Variants in KCNB2 observed in about 807,000 individuals in gnomAD.
The protein encoded by KCNB2 is potassium voltage-gated channel subfamily B member 2.
A neutral mutation model predicts 61.5 loss-of-function variants in KCNB2; 15 were observed. The observed-to-expected ratio is 0.24, with a 90% CI of 0.16 to 0.38. The LOEUF (loss-of-function observed/expected upper bound fraction) is 0.38, where lower values mean the gene tolerates loss of function less well. Ranked by LOEUF, KCNB2 falls within the 10% of genes least tolerant of loss-of-function variation. The pLI, the probability that KCNB2 is intolerant of heterozygous loss-of-function variation, is 1.00. For missense variants in KCNB2, 828 were observed against 1,125.2 expected, an observed-to-expected ratio of 0.74 and a Z score of 3.78; for synonymous variants, 457 against 446.0, an observed-to-expected ratio of 1.02 and a Z score of -0.31.
chr8:72,875,294 C>G (rs1245639640), intron 2 of KCNB2: 1 of 152,268 alleles, frequency 6.6e-6, no homozygotes, highest in African/African-American at 2.4e-5. Context: ...TATCCTGAAC[C>G]CTCCCTTGCT....
At chr8:72,929,406 G>A (rs1439424295) in intron 2 of KCNB2, among the ~76,000 whole-genome samples, 3 of 152,142 alleles carry the variant, frequency 2.0e-5, no homozygotes, top group Non-Finnish European at 2.9e-5. Flanking sequence ...TCTAAGTGAA[G>A]AAATAACGTA....
chr8:72,773,974 AAT>A (rs1375805191), intron 2 of KCNB2, among the ~76,000 whole-genome samples: 5 of 152,204 alleles, frequency 3.3e-5, no homozygotes, highest in African/African-American at 1.2e-4. Flanking sequence ...TCAAGTTATT[AAT>A]TATACTACAT....
chr8:72,538,642 G>GA (rs1383614084), intron 1 of KCNB2, among the ~76,000 whole-genome samples: 1 of 151,992 alleles, frequency 6.6e-6, no homozygotes, highest in African/African-American at 2.4e-5. Flanking sequence ...AGATTACATT[G>GA]AAAAAAATTT....
At chr8:72,693,446 G>A (rs995782891) in intron 2 of KCNB2, among the ~76,000 whole-genome samples, 3 of 152,080 alleles carry the variant, frequency 2.0e-5, no homozygotes, top group East Asian at 1.9e-4. Flanking sequence ...TCAGGGGCTT[G>A]AGAGACTGTG....
chr8:72,821,192 C>A (rs1408252077), intron 2 of KCNB2, among the ~76,000 whole-genome samples: 2 of 152,176 alleles, frequency 1.3e-5, no homozygotes, highest in Non-Finnish European at 2.9e-5. Context: ...TCACTGAACC[C>A]TCTTGTTCAT....
intron 2 of KCNB2, among the ~76,000 whole-genome samples, chr8:72,707,764 A>C (rs937148496): frequency 6.6e-6 from 1 of 152,172 alleles, no homozygotes; most frequent in South Asian, 2.1e-4. Flanking sequence ...TTTCCTAATC[A>C]TCTAGATATG....
chr8:72,671,296 CTCT>C (rs1806560519), intron 2 of KCNB2, among the ~76,000 whole-genome samples: 1 of 152,120 alleles, frequency 6.6e-6, no homozygotes. Context: ...TGTACAAATA[CTCT>C]TCTTATTAAT....
intron 2 of KCNB2, among the ~76,000 whole-genome samples, chr8:72,595,857 C>T (rs551929053): frequency 1.3e-5 from 2 of 152,262 alleles, no homozygotes; most frequent in South Asian, 4.1e-4. Flanking sequence ...GTTTTAGTGG[C>T]ACATAATCAT....
intron 2 of KCNB2, among the ~76,000 whole-genome samples, chr8:72,851,849 C>A (rs917426481): frequency 0.017 from 312 of 18,058 alleles, 2 homozygotes; most frequent in Non-Finnish European, 0.025. Flanking sequence ...AAAAAAAAAA[C>A]ACGTACTGCT....
At chr8:72,737,113 C>T (rs575590849) in intron 2 of KCNB2, among the ~76,000 whole-genome samples, 161 of 151,408 alleles carry the variant, frequency 1.1e-3, no homozygotes, top group African/African-American at 3.4e-3. Context: ...TGAAAATTTA[C>T]AGTTAGTAAA....
At position 72,937,760 on chromosome 8, in the gene KCNB2, G is replaced by A; in HGVS notation, c.2405G>A (p.Arg802Lys). 3 of 1,614,084 alleles carry A rather than the reference G, an allele frequency of 1.9e-6. No homozygotes were observed. Among genetic ancestry groups the A allele is most frequent in the East Asian group, 2.2e-5 (1 of 44,830 alleles). The change falls in exon 3 of 3, where the codon AGG (arginine) becomes AAG (lysine). Residue 802 changes from arginine (R) to lysine (K), a missense_variant. Arg to Lys is a conservative substitution (Grantham distance 26, BLOSUM62 2). Around this residue, in one of 4 missense-constraint regions of KCNB2, gnomAD observed 559 missense variants for 588.4 expected, o/e 0.95. Coordinates refer to ENST00000523207, the MANE Select transcript of KCNB2 (RefSeq NM_004770.3). The part of the protein sequence containing the change: ...KLFPFSSRER[R>K]SFTEIDTGDD... ...TTCCCTTTCTCTTCAAGAGAGAGGA[G>A]GAGCTTCACTGAAATAGATACTGGT...
At chr8:72,668,469 A>G (rs1216505484) in intron 2 of KCNB2, among the ~76,000 whole-genome samples, 1 of 152,144 alleles carries the variant, frequency 6.6e-6, no homozygotes, top group African/African-American at 2.4e-5. Context: ...CAAAGGTCAG[A>G]CTGTCCTTTG....
intron 2 of KCNB2, among the ~76,000 whole-genome samples, chr8:72,705,544 G>T (rs902069816): frequency 6.6e-6 from 1 of 152,218 alleles, no homozygotes; most frequent in African/African-American, 2.4e-5. Context: ...AATCTCACTG[G>T]CAGGTTGTGC....
intron 2 of KCNB2, among the ~76,000 whole-genome samples, chr8:72,769,112 A>G (rs1808518054): frequency 6.6e-6 from 1 of 152,206 alleles, no homozygotes; most frequent in South Asian, 2.1e-4. Context: ...GTGAGCCGAG[A>G]TCGTGCCATT....
intron 2 of KCNB2, among the ~76,000 whole-genome samples, chr8:72,593,588 G>A (rs549003744): frequency 7.2e-5 from 11 of 152,152 alleles, no homozygotes; most frequent in Non-Finnish European, 1.6e-4. Context: ...TAGAACTGAT[G>A]TGAGATCCAG....
chr8:72,548,464 A>C (rs1806295250), intron 1 of KCNB2, among the ~76,000 whole-genome samples: 1 of 152,070 alleles, frequency 6.6e-6, no homozygotes, highest in South Asian at 2.1e-4. Context: ...TCTTGGAAGA[A>C]ATTCTTTGTT....
At chr8:72,637,376 A>C (rs930474637) in intron 2 of KCNB2, among the ~76,000 whole-genome samples, 3 of 152,168 alleles carry the variant, frequency 2.0e-5, no homozygotes, top group African/African-American at 7.2e-5. Flanking sequence ...TGCTTTTATA[A>C]ACAGTGTTTT....
At chr8:72,684,122 A>T (rs568902769) in intron 2 of KCNB2, among the ~76,000 whole-genome samples, 11 of 152,286 alleles carry the variant, frequency 7.2e-5, no homozygotes, top group East Asian at 5.8e-4. Context: ...TTAGAAAGGG[A>T]TGGGTTCTAG....
intron 2 of KCNB2, among the ~76,000 whole-genome samples, chr8:72,763,752 G>A (rs1286939910): frequency 6.6e-6 from 1 of 152,122 alleles, no homozygotes; most frequent in African/African-American, 2.4e-5. Flanking sequence ...GCACAGTTTA[G>A]GTGCTCAATA....
Sources: gnomAD v4.1 joint callset for allele counts (sites outside exome capture counted in the v4.1 genomes callset) on GRCh38, gnomAD v4.1.1 for gene constraint, gnomAD v4.1.1 regional missense constraint, MANE v1.5 for transcripts, NCBI Gene and HGNC (gene_info 2026-07-23, HGNC 2026-07-21) for gene names.